Variants in ZBTB20 observed in about 807,000 individuals in gnomAD.
ZBTB20 encodes zinc finger and BTB domain-containing protein 20.
In ZBTB20, 9 loss-of-function variants were observed where a neutral mutation model predicts 56.9. The observed-to-expected ratio is 0.16, with a 90% CI of 0.10 to 0.28. ZBTB20 has a LOEUF of 0.28. Ranked by LOEUF, ZBTB20 falls within the 10% of genes least tolerant of loss-of-function variation. The probability of loss-of-function intolerance (pLI) is 1.00; values close to 1 mark genes in which losing one functional copy is unlikely to be tolerated. For synonymous variants in ZBTB20, 417 were observed against 420.7 expected (o/e 0.99, Z 0.11); for missense variants, 655 against 1,003.0 (o/e 0.65, Z 4.69).
chr3:114,715,712 G>A (rs1185857254), intron 5 of ZBTB20, among the ~76,000 whole-genome samples: 1 of 152,200 alleles, frequency 6.6e-6, no homozygotes, highest in Non-Finnish European at 1.5e-5. Flanking sequence ...CTTCCAGAAT[G>A]CTGAATGAAG....
intron 7 of ZBTB20, among the ~76,000 whole-genome samples, chr3:114,419,987 A>G (rs1043616955): frequency 6.6e-6 from 1 of 152,154 alleles, no homozygotes; most frequent in Non-Finnish European, 1.5e-5. Context: ...ACAGTACATA[A>G]TTTGGTAAAA....
intron 3 of ZBTB20, among the ~76,000 whole-genome samples, chr3:114,927,121 A>C (rs1266322552): frequency 6.6e-6 from 1 of 152,152 alleles, no homozygotes; most frequent in Admixed American, 6.5e-5. Context: ...CATTCTATTC[A>C]AAGTCATCCC....
In ZBTB20 at chr3:114,335,219, T is replaced by C. The variant is rs1436344206; in HGVS notation, c.*3786A>G. ...CTTTCCATACTATTTCTCTCTTCCTTGTACTCATCCTAAGAAGTCTTAAAT... is the reference window on the plus strand; with the variant it reads ...CTTTCCATACTATTTCTCTCTTCCTCGTACTCATCCTAAGAAGTCTTAAAT... On this transcript the variant is annotated 3_prime_UTR_variant, in exon 12 of 12. Transcript: ENST00000675478. 1 of 152,236 alleles carries C rather than the reference T, an allele frequency of 6.6e-6. No homozygotes were observed. The highest frequency in any genetic ancestry group is 1.5e-5 in the Non-Finnish European group (1 of 68,032). 9.4% of individuals were successfully genotyped at this position (152,236 alleles called of 1,614,324 possible). A position where few individuals can be genotyped will look rare whatever the true frequency, so the allele number is the denominator to read the frequency against.
chr3:114,661,663 C>A (rs1266086690), intron 6 of ZBTB20, among the ~76,000 whole-genome samples: 1 of 152,166 alleles, frequency 6.6e-6, no homozygotes, highest in African/African-American at 2.4e-5. Context: ...ATTTATAAAT[C>A]AAAAATTAGT....
Position 114,851,573 on chromosome 3 carries a change from G to GT in ZBTB20, c.-417+48730dup, listed in dbSNP as rs575890163. On this transcript the variant is annotated intron_variant, in intron 4 of 11. Transcript: ENST00000675478. ...ATTTCTCATTTAGTAATTAAATCAT[G>GT]TGATATTGGTTTGTTTATTGTTCTG... Among the ~76,000 whole-genome samples the GT allele has an allele frequency of 3.0e-4, 46 of 152,062 alleles. 1 individual carries two copies. Among genetic ancestry groups the GT allele is most frequent in the African/African-American group, 1.0e-3 (42 of 41,494 alleles).
At chr3:114,380,122 A>G in intron 10 of ZBTB20, 95 bp downstream of exon 10, 2 of 1,311,664 alleles carry the variant, frequency 1.5e-6, no homozygotes, top group African/African-American at 3.0e-5. Context: ...GACCAAATGC[A>G]AAGAGCTCGC....
chr3:114,424,674 C>T (rs567089136), intron 7 of ZBTB20, among the ~76,000 whole-genome samples: 1 of 152,306 alleles, frequency 6.6e-6, no homozygotes, highest in South Asian at 2.1e-4. Flanking sequence ...GAACCTCCAT[C>T]CCCTGCACGA....
chr3:114,680,234 T>C (rs1050476622), intron 6 of ZBTB20, among the ~76,000 whole-genome samples: 1 of 152,176 alleles, frequency 6.6e-6, no homozygotes, highest in African/African-American at 2.4e-5. Flanking sequence ...TGTATACCTA[T>C]GTAATAAACC....
intron 5 of ZBTB20, among the ~76,000 whole-genome samples, chr3:114,710,669 T>C (rs1036322775): frequency 6.6e-6 from 1 of 152,196 alleles, no homozygotes; most frequent in African/African-American, 2.4e-5. Flanking sequence ...GAACCACTTT[T>C]CATCCCCTCC....
chr3:114,777,915 A>T (rs550686755), intron 5 of ZBTB20, among the ~76,000 whole-genome samples: 1 of 151,980 alleles, frequency 6.6e-6, no homozygotes, highest in Non-Finnish European at 1.5e-5. Context: ...CTATGCAGCC[A>T]TAAAAAATGA....
chr3:114,831,575 C>A (rs903119831), intron 4 of ZBTB20, among the ~76,000 whole-genome samples: 1 of 151,972 alleles, frequency 6.6e-6, no homozygotes, highest in African/African-American at 2.4e-5. Flanking sequence ...TGCTAGGCAG[C>A]AATTAGGGTA....
At chr3:114,516,272 C>T (rs556575529) in intron 6 of ZBTB20, among the ~76,000 whole-genome samples, 1 of 152,192 alleles carries the variant, frequency 6.6e-6, no homozygotes, top group African/African-American at 2.4e-5. Flanking sequence ...GTCTTCCCCA[C>T]ATAACCCATT....
chr3:115,021,428 T>C lies in ZBTB20; in HGVS notation c.-506-47012A>G, dbSNP rs73857902. Among the ~76,000 whole-genome samples the C allele has an allele frequency of 6.7e-3, 1,016 of 151,030 alleles. 11 individuals are homozygous for C. Among genetic ancestry groups the C allele is most frequent in the African/African-American group, 0.023 (960 of 41,414 alleles). On this transcript the variant is annotated intron_variant, in intron 2 of 11. Transcript: ENST00000675478. Reference sequence around the variant, plus strand: ...TATATATAGTATCTGTGTGTACACATATACACGTAAAGTTAAGAAAGTTTG... The same window carrying C: ...TATATATAGTATCTGTGTGTACACACATACACGTAAAGTTAAGAAAGTTTG...
chr3:114,418,351 A>G lies in ZBTB20; in HGVS notation c.-254-29246T>C, dbSNP rs148206828. On this transcript the variant is annotated intron_variant, in intron 7 of 11. Coordinates refer to ENST00000675478, the MANE Select transcript of ZBTB20 (RefSeq NM_001348800.3). ...AGACCAACTTTTCTTCTGACATTTG[A>G]CCTGGGAGAGTTTCTTCTTTAGCTT... 9.0e-3 allele frequency among the ~76,000 whole-genome samples: 1,375 copies of G among 152,096 alleles called. 24 individuals carry two copies. The highest frequency in any genetic ancestry group is 8.6e-3 in the Non-Finnish European group (582 of 67,954).
chr3:114,411,939 A>G (rs2108772100), intron 7 of ZBTB20, among the ~76,000 whole-genome samples: 1 of 152,268 alleles, frequency 6.6e-6, no homozygotes, highest in African/African-American at 2.4e-5. Flanking sequence ...ATGATATGGA[A>G]GTTGTAGAAC....
intron 1 of ZBTB20, among the ~76,000 whole-genome samples, chr3:115,137,482 C>T (rs1021727759): frequency 3.3e-5 from 5 of 152,018 alleles, no homozygotes; most frequent in African/African-American, 1.2e-4. Context: ...TTTACCTGAA[C>T]TGATTTGAGA....
intron 6 of ZBTB20, among the ~76,000 whole-genome samples, chr3:114,511,575 T>C (rs1456875356): frequency 1.3e-5 from 2 of 152,152 alleles, no homozygotes; most frequent in African/African-American, 2.4e-5. Context: ...CTTTGCAAAG[T>C]GATTTATGCA....
chr3:114,917,762 G>A (rs2075801825), intron 3 of ZBTB20, among the ~76,000 whole-genome samples: 2 of 151,962 alleles, frequency 1.3e-5, no homozygotes, highest in African/African-American at 4.8e-5. Context: ...CCTGGTGCTG[G>A]GCTGGGAGAG....
chr3:115,085,580 C>T (rs1256637581), intron 1 of ZBTB20, among the ~76,000 whole-genome samples: 1 of 151,906 alleles, frequency 6.6e-6, no homozygotes, highest in African/African-American at 2.4e-5. Flanking sequence ...ATAAAATAGT[C>T]CTTAAACCCC....
Sources: allele counts gnomAD v4.1 joint callset (sites outside exome capture counted in the v4.1 genomes callset), GRCh38; gene constraint gnomAD v4.1.1; transcripts MANE v1.5; gene names NCBI Gene and HGNC (gene_info 2026-07-23, HGNC 2026-07-21).